Variants in TEK observed in about 807,000 individuals in gnomAD.
The protein encoded by TEK is angiopoietin-1 receptor.
Under a neutral mutation model 131.8 loss-of-function variants are expected in TEK, and 43 were observed. The observed-to-expected ratio is 0.33, with a 90% CI of 0.26 to 0.42. The LOEUF is 0.42. Among genes scored for constraint, TEK ranks in the 10% least tolerant of loss-of-function variants. The probability of loss-of-function intolerance (pLI) is 1.00; values close to 1 mark genes in which losing one functional copy is unlikely to be tolerated. For synonymous variants in TEK, 580 were observed against 491.6 expected (o/e 1.18, Z -2.38); for missense variants, 1,162 against 1,384.4 (o/e 0.84, Z 2.55).
At chr9:27,165,706 A>G (rs1301789948) in intron 2 of TEK, among the ~76,000 whole-genome samples, 1 of 152,206 alleles carries the variant, frequency 6.6e-6, no homozygotes, top group Non-Finnish European at 1.5e-5. Context: ...GCAGCTTTCA[A>G]AAAGGGTGGC....
chr9:27,182,890 C>T (rs1313641412), intron 7 of TEK, among the ~76,000 whole-genome samples: 1 of 152,110 alleles, frequency 6.6e-6, no homozygotes, highest in Admixed American at 6.6e-5. Context: ...AGTTATATTT[C>T]ACTTCTTTGA....
intron 21 of TEK, among the ~76,000 whole-genome samples, chr9:27,224,128 C>T (rs1826206555): frequency 6.6e-6 from 1 of 152,060 alleles, no homozygotes; most frequent in South Asian, 2.1e-4. Context: ...AATAGCTTAC[C>T]TACCAAAAAA....
chr9:27,168,138 AT>A (rs1457072151), intron 2 of TEK, among the ~76,000 whole-genome samples: 1 of 152,208 alleles, frequency 6.6e-6, no homozygotes, highest in Admixed American at 6.5e-5. Flanking sequence ...AAATGGAAAA[AT>A]AAAATCTGAA....
At chr9:27,200,266 C>G (rs180929529) in intron 12 of TEK, among the ~76,000 whole-genome samples, 2 of 152,294 alleles carry the variant, frequency 1.3e-5, no homozygotes, top group African/African-American at 4.8e-5. Flanking sequence ...ATGTCAGTAA[C>G]TATGGGATGA....
chr9:27,184,695 G>A (rs936541468), intron 8 of TEK, among the ~76,000 whole-genome samples: 4 of 151,610 alleles, frequency 2.6e-5, no homozygotes, highest in East Asian at 1.9e-4. Context: ...TTTTTTTGGC[G>A]GAAGTGGGAA....
At chr9:27,117,674 AGT>A (rs1225814220) in intron 1 of TEK, among the ~76,000 whole-genome samples, 20 of 152,174 alleles carry the variant, frequency 1.3e-4, no homozygotes, top group Admixed American at 1.3e-3. Context: ...ATGTGGTATG[AGT>A]GTGACAAAGA....
chr9:27,223,878 G>A (rs115035562), intron 21 of TEK, among the ~76,000 whole-genome samples: 5,414 of 152,140 alleles, frequency 0.036, 317 homozygotes, highest in African/African-American at 0.12. Flanking sequence ...CCAGACTAAT[G>A]AAGAAGAGAG....
chr9:27,110,283 A>G lies in TEK; in HGVS notation c.52+641A>G, dbSNP rs141111018. Among the ~76,000 whole-genome samples the G allele has an allele frequency of 4.7e-4, 71 of 152,156 alleles. 1 individual carries two copies. In the East Asian group the frequency reaches 0.011, roughly 24 times the overall value. On this transcript the variant is annotated intron_variant, in intron 1 of 22. Transcript: ENST00000380036. ...AATTCATAAAGGGTTTACTGGCCCA[A>G]TGAAACAAAAATTTAGGCAGTTACC...
rs1824982035 is a variant in TEK, at chr9:27,195,731, C to T, written c.1625-1584C>T. Reference sequence around the variant, plus strand: ...GGAGGAAACCAGTGTTAATAGAGCCCCTAACACCTTCCAAGCATTTTCACA... The same window carrying T: ...GGAGGAAACCAGTGTTAATAGAGCCTCTAACACCTTCCAAGCATTTTCACA... On this transcript the variant is annotated intron_variant, in intron 11 of 22. Coordinates refer to ENST00000380036, the MANE Select transcript of TEK (RefSeq NM_000459.5). 4 of 454,632 alleles carry T rather than the reference C, an allele frequency of 8.8e-6. No individual in the cohort carries two copies. In the Admixed American group the frequency reaches 9.5e-5, roughly 11 times the overall value. The allele number at this position is 454,632 out of a possible 1,614,324, so 28.2% of individuals were successfully genotyped here. A position where few individuals can be genotyped will look rare whatever the true frequency, so the allele number is the denominator to read the frequency against.
chr9:27,136,537 C>A (rs1822447763), intron 1 of TEK, among the ~76,000 whole-genome samples: 1 of 152,148 alleles, frequency 6.6e-6, no homozygotes, highest in Non-Finnish European at 1.5e-5. Context: ...GGAGCAATTT[C>A]TCCACCCCCA....
At chr9:27,114,136 T>A (rs1376026987) in intron 1 of TEK, among the ~76,000 whole-genome samples, 1 of 152,248 alleles carries the variant, frequency 6.6e-6, no homozygotes, top group Non-Finnish European at 1.5e-5. Context: ...TCTTTTCTAT[T>A]CTCATTAGTA....
At chr9:27,151,964 C>T (rs937675026) in intron 1 of TEK, among the ~76,000 whole-genome samples, 5 of 152,202 alleles carry the variant, frequency 3.3e-5, no homozygotes, top group East Asian at 1.9e-4. Context: ...CTCATTGCCA[C>T]GGCCTTAATT....
intron 16 of TEK, chr9:27,210,528 C>G (rs1204846014): frequency 5.9e-6 from 1 of 168,786 alleles, no homozygotes; most frequent in Non-Finnish European, 1.3e-5. Context: ...TTAGTGTTGA[C>G]CCCACTGCAG....
intron 18 of TEK, among the ~76,000 whole-genome samples, chr9:27,213,992 T>G (rs1825725583): frequency 1.3e-5 from 2 of 152,176 alleles, no homozygotes; most frequent in South Asian, 4.1e-4. Context: ...GAAGACAAAC[T>G]AAATGGTTTC....
intron 1 of TEK, among the ~76,000 whole-genome samples, chr9:27,155,144 C>T (rs1457735538): frequency 6.6e-6 from 1 of 152,040 alleles, no homozygotes; most frequent in African/African-American, 2.4e-5. Flanking sequence ...CTGGAACATG[C>T]CTGGAATGTG....
At chr9:27,120,428 C>A (rs999694711) in intron 1 of TEK, among the ~76,000 whole-genome samples, 5 of 152,264 alleles carry the variant, frequency 3.3e-5, no homozygotes, top group Non-Finnish European at 5.9e-5. Flanking sequence ...AGGGCCCTGC[C>A]TTAGCCTGAG....
intron 1 of TEK, among the ~76,000 whole-genome samples, chr9:27,151,517 C>T (rs1181290178): frequency 6.6e-6 from 1 of 152,156 alleles, no homozygotes; most frequent in Non-Finnish European, 1.5e-5. Context: ...CTCTCTCTTG[C>T]TTTGCCTGGC....
chr9:27,212,862 G>A lies in TEK; in HGVS notation c.2842G>A (p.Val948Met), dbSNP rs1178015088. ...GCAGCTCCTTCACTTCGCTGCCGAC[G>A]TGGCCCGGGGCATGGACTACTTGAG... Reference protein sequence around the residue: ...SQQLLHFAADVARGMDYLSQK... With the variant: ...SQQLLHFAADMARGMDYLSQK... Residue 948 changes from valine to methionine, a missense_variant, in exon 17 of 23, where the codon GTG becomes ATG. Transcript: ENST00000380036. 2 of 1,614,082 alleles carry A rather than the reference G, an allele frequency of 1.2e-6. No homozygotes were observed. The highest frequency in any genetic ancestry group is 1.7e-6 in the Non-Finnish European group (2 of 1,180,006).
intron 1 of TEK, among the ~76,000 whole-genome samples, chr9:27,119,668 G>A (rs1363320860): frequency 1.3e-5 from 2 of 152,122 alleles, no homozygotes; most frequent in African/African-American, 4.8e-5. Flanking sequence ...GCAACATTGG[G>A]CTCCCAACCT....
Sources: allele counts gnomAD v4.1 joint callset (sites outside exome capture counted in the v4.1 genomes callset), GRCh38; gene constraint gnomAD v4.1.1; transcripts MANE v1.5; gene names NCBI Gene and HGNC (gene_info 2026-07-23, HGNC 2026-07-21).